ADAMTSL1: variants seen among roughly 807,000 people sequenced by gnomAD.
ADAMTSL1 encodes the protein ADAMTS-like protein 1.
A neutral mutation model predicts 201.8 loss-of-function variants in ADAMTSL1; 126 were observed. The ratio of observed to expected loss-of-function variants is 0.62; its 90% CI spans 0.54 to 0.72. The LOEUF (loss-of-function observed/expected upper bound fraction) is 0.72. Ranked by LOEUF, ADAMTSL1 falls within the 30% of genes least tolerant of loss-of-function variation. The probability of loss-of-function intolerance (pLI) is 0.00; values close to 1 mark genes in which losing one functional copy is unlikely to be tolerated. For missense variants in ADAMTSL1, 2,679 were observed against 2,277.8 expected, an observed-to-expected ratio of 1.18 and a Z score of -3.59; for synonymous variants, 1,121 against 903.4, an observed-to-expected ratio of 1.24 and a Z score of -4.32.
At chr9:18,766,819 C>T (rs1299794786) in intron 16 of ADAMTSL1, among the ~76,000 whole-genome samples, 2 of 152,172 alleles carry the variant, frequency 1.3e-5, no homozygotes, top group African/African-American at 2.4e-5. Flanking sequence ...ACCCCTAATA[C>T]TATCACCTTG....
intron 2 of ADAMTSL1, among the ~76,000 whole-genome samples, chr9:18,403,080 A>G (rs1818046918): frequency 1.3e-5 from 2 of 152,174 alleles, no homozygotes; most frequent in African/African-American, 4.8e-5. Flanking sequence ...GGTTGATCAA[A>G]TGGATTGCAA....
intron 2 of ADAMTSL1, among the ~76,000 whole-genome samples, chr9:18,319,554 C>CA: frequency 6.6e-6 from 1 of 152,144 alleles, no homozygotes; most frequent in Non-Finnish European, 1.5e-5. Flanking sequence ...TCAAAAGATA[C>CA]AAAAAATAAA....
chr9:18,488,315 T>C (rs1473358743), intron 1 of ADAMTSL1, among the ~76,000 whole-genome samples: 1 of 152,148 alleles, frequency 6.6e-6, no homozygotes, highest in Non-Finnish European at 1.5e-5. Flanking sequence ...TGTTTCCTTA[T>C]CTGGAAGCAA....
At chr9:18,648,386 C>T (rs1215191519) in intron 7 of ADAMTSL1, among the ~76,000 whole-genome samples, 7 of 151,872 alleles carry the variant, frequency 4.6e-5, no homozygotes, top group Admixed American at 1.3e-4. Context: ...AGTCCATTTA[C>T]ATTTAAAGTT....
At chr9:18,403,356 G>C (rs958566724) in intron 2 of ADAMTSL1, among the ~76,000 whole-genome samples, 1 of 151,702 alleles carries the variant, frequency 6.6e-6, no homozygotes, top group Non-Finnish European at 1.5e-5. Flanking sequence ...GCTAATTTTT[G>C]TATTTTTAGT....
chr9:18,418,683 G>T (rs554555768), intron 2 of ADAMTSL1, among the ~76,000 whole-genome samples: 5 of 152,250 alleles, frequency 3.3e-5, no homozygotes, highest in African/African-American at 1.2e-4. Flanking sequence ...GCTGATGAAA[G>T]AAATCAAAGA....
At chr9:17,967,902 C>T (rs1818044217) in intron 1 of ADAMTSL1, among the ~76,000 whole-genome samples, 1 of 152,100 alleles carries the variant, frequency 6.6e-6, no homozygotes, top group Non-Finnish European at 1.5e-5. Flanking sequence ...TCTATTCGGA[C>T]TTTGTATTTG....
chr9:18,035,353 G>A (rs371939988), intron 1 of ADAMTSL1, among the ~76,000 whole-genome samples: 10 of 152,230 alleles, frequency 6.6e-5, no homozygotes, highest in African/African-American at 2.4e-4. Flanking sequence ...TGGACCTATC[G>A]TTTTCTCTTG....
chr9:18,382,501 G>A (rs1221009334), intron 2 of ADAMTSL1, among the ~76,000 whole-genome samples: 1 of 151,928 alleles, frequency 6.6e-6, no homozygotes, highest in African/African-American at 2.4e-5. Context: ...TTAATGGCGA[G>A]AACTGCTTTA....
chr9:18,845,794 C>A (rs910661149), intron 23 of ADAMTSL1, among the ~76,000 whole-genome samples: 1 of 152,132 alleles, frequency 6.6e-6, no homozygotes, highest in Admixed American at 6.5e-5. Context: ...AAGACTGGGA[C>A]AATATAATAT....
intron 7 of ADAMTSL1, among the ~76,000 whole-genome samples, chr9:18,650,980 T>A (rs1828207859): frequency 6.6e-6 from 1 of 152,234 alleles, no homozygotes. Context: ...AGATCCAAAT[T>A]ACTTACTTTC....
chr9:18,345,139 T>TA (rs1418634731), intron 2 of ADAMTSL1, among the ~76,000 whole-genome samples: 2 of 152,108 alleles, frequency 1.3e-5, no homozygotes, highest in Non-Finnish European at 2.9e-5. Context: ...CTACAGGATC[T>TA]AAGTGTCTGT....
intron 2 of ADAMTSL1, among the ~76,000 whole-genome samples, chr9:18,458,195 G>A (rs1328292493): frequency 2.6e-5 from 4 of 152,104 alleles, no homozygotes; most frequent in African/African-American, 9.7e-5. Context: ...TTTAAACCAA[G>A]AGTTTTCAAA....
chr9:17,951,491 G>A (rs953880697), intron 1 of ADAMTSL1, among the ~76,000 whole-genome samples: 6 of 152,104 alleles, frequency 3.9e-5, no homozygotes, highest in Admixed American at 2.6e-4. Flanking sequence ...TTGCCAAAAT[G>A]GTGAGTTTTA....
chr9:18,678,473 G>A (rs1222413764), intron 10 of ADAMTSL1, among the ~76,000 whole-genome samples: 1 of 151,868 alleles, frequency 6.6e-6, no homozygotes, highest in African/African-American at 2.4e-5. Flanking sequence ...TTGTATGCTG[G>A]GACCATAGTA....
At position 18,244,354 on chromosome 9, in the gene ADAMTSL1, A is replaced by G. The variant is rs567046523; in HGVS notation, c.207+80373A>G. Among the ~76,000 whole-genome samples, 6 of 152,190 alleles carry G rather than the reference A, an allele frequency of 3.9e-5. No homozygotes were observed. In the South Asian group the frequency reaches 6.2e-4, roughly 16 times the overall value. The stretch of plus-strand genomic sequence containing the variant: ...CATTATAGATTATTCTTCTGAAAGC[A>G]CAGTTCTGATGGCTCAAAATTGTCT... On this transcript the variant is annotated intron_variant, in intron 2 of 29. Coordinates refer to the ADAMTSL1 transcript ENST00000680146.
At position 18,908,453 on chromosome 9, in the gene ADAMTSL1, GAC is replaced by G. The variant is rs760647071; in HGVS notation, c.5197_5198del (p.Thr1733HisfsTer19). On this transcript the variant is annotated frameshift_variant, in exon 29 of 29. Transcript: ENST00000380548. LOFTEE classifies it high-confidence loss of function. ...ITPCENMECR[D>X]TTRYCEKVKQ... ...TCCTCCTTTCCCAGTGGAGTGCAGA[GAC>G]ACCACCAGGTACTGCGAGAAGGTGA... 7.1e-6 allele frequency: 11 copies of G among 1,558,296 alleles called. No individual in the cohort carries two copies. The Admixed American group carries it at 2.1e-4, about 30-fold the overall frequency.
At chr9:18,382,192 A>G (rs78447162) in intron 2 of ADAMTSL1, among the ~76,000 whole-genome samples, 2,576 of 152,226 alleles carry the variant, frequency 0.017, 28 homozygotes, top group Non-Finnish European at 0.026. Context: ...TACCGTGATT[A>G]TGTGTGTGTT....
At chr9:18,138,239 G>A (rs1380773225) in intron 1 of ADAMTSL1, among the ~76,000 whole-genome samples, 2 of 151,740 alleles carry the variant, frequency 1.3e-5, no homozygotes, top group South Asian at 4.2e-4. Flanking sequence ...AAAGGAATAT[G>A]TATTATAATT....
Sources: gnomAD v4.1 joint callset for allele counts (sites outside exome capture counted in the v4.1 genomes callset) on GRCh38, gnomAD v4.1.1 for gene constraint, MANE v1.5 for transcripts, NCBI Gene and HGNC (gene_info 2026-07-23, HGNC 2026-07-21) for gene names.